The following DPYD variants were observed in gnomAD, a reference collection of about 807,000 sequenced individuals.
DPYD encodes dihydropyrimidine dehydrogenase.
A neutral mutation model predicts 116.2 loss-of-function variants in DPYD; 109 were observed. The ratio of observed to expected loss-of-function variants is 0.94; its 90% CI spans 0.80 to 1.10. The LOEUF (loss-of-function observed/expected upper bound fraction) is 1.10, where lower values mean the gene tolerates loss of function less well. DPYD is among the 50% of genes least tolerant of loss of function. The pLI is 0.00. For synonymous variants in DPYD, 440 were observed against 432.0 expected (o/e 1.02, Z -0.23); for missense variants, 1,302 against 1,254.5 (o/e 1.04, Z -0.57).
intron 13 of DPYD, among the ~76,000 whole-genome samples, chr1:97,502,999 C>T (rs566703397): frequency 2.0e-5 from 3 of 151,942 alleles, no homozygotes; most frequent in Admixed American, 2.0e-4. Flanking sequence ...ACCCTCAACA[C>T]TTTTCTCAAA....
At chr1:97,414,034 A>G (rs1288238506) in intron 14 of DPYD, among the ~76,000 whole-genome samples, 5 of 152,030 alleles carry the variant, frequency 3.3e-5, no homozygotes, top group Admixed American at 6.6e-5. Flanking sequence ...CCTTCAACCA[A>G]CTGCCCCAGT....
chr1:97,082,580 C>T lies in DPYD; in HGVS notation c.2767-110G>A, dbSNP rs1391542310. 5 of 1,233,066 alleles carry T rather than the reference C, an allele frequency of 4.1e-6. No individual in the cohort carries two copies. The East Asian group carries it at 1.2e-4, about 29-fold the overall frequency. 76.4% of individuals were successfully genotyped at this position (1,233,066 alleles called of 1,614,324 possible). A position where few individuals can be genotyped will look rare whatever the true frequency, so the allele number is the denominator to read the frequency against. ...TTTATACAATGTTGCATTATATTAA[C>T]TTGGGAGACTGGATAGTATAATTCT... is the stretch of plus-strand genomic sequence containing the variant. On this transcript the variant is annotated intron_variant, in intron 21 of 22. Transcript: ENST00000370192.
chr1:97,278,041 CT>C (rs1213317772), intron 18 of DPYD, among the ~76,000 whole-genome samples: 1 of 152,174 alleles, frequency 6.6e-6, no homozygotes, highest in African/African-American at 2.4e-5. Context: ...CCTAGTTCAC[CT>C]TATGTGACTA....
chr1:97,197,625 A>G (rs924359403), intron 19 of DPYD, among the ~76,000 whole-genome samples: 1 of 152,220 alleles, frequency 6.6e-6, no homozygotes, highest in Non-Finnish European at 1.5e-5. Flanking sequence ...CAATTTGTAT[A>G]CAGTAGACTC....
At chr1:97,498,273 A>G (rs1679382981) in intron 13 of DPYD, among the ~76,000 whole-genome samples, 1 of 151,782 alleles carries the variant, frequency 6.6e-6, no homozygotes, top group Non-Finnish European at 1.5e-5. Context: ...ATATACTAAA[A>G]ACCATGAAAA....
At chr1:97,541,438 A>T (rs774796657) in intron 12 of DPYD, among the ~76,000 whole-genome samples, 3 of 152,210 alleles carry the variant, frequency 2.0e-5, no homozygotes, top group Non-Finnish European at 4.4e-5. Context: ...ATTGCATTGT[A>T]TGATTCTCGA....
At chr1:97,912,785 A>G (rs1259739413) in intron 1 of DPYD, among the ~76,000 whole-genome samples, 1 of 152,124 alleles carries the variant, frequency 6.6e-6, no homozygotes, top group Non-Finnish European at 1.5e-5. Flanking sequence ...TGTAAGGGGA[A>G]CTGAATGCCT....
intron 1 of DPYD, among the ~76,000 whole-genome samples, chr1:97,913,496 G>A (rs1674066033): frequency 6.6e-6 from 1 of 151,990 alleles, no homozygotes; most frequent in African/African-American, 2.4e-5. Flanking sequence ...AGAGAGCAAG[G>A]GATCTATGGC....
intron 12 of DPYD, among the ~76,000 whole-genome samples, chr1:97,523,031 A>T (rs906399628): frequency 6.6e-6 from 1 of 152,162 alleles, no homozygotes; most frequent in Non-Finnish European, 1.5e-5. Context: ...AATTTTTGCC[A>T]TTTCCCTCCC....
At position 97,756,881 on chromosome 1, in the gene DPYD, C is replaced by T. The variant is rs115988666; in HGVS notation, c.234-16402G>A. On this transcript the variant is annotated intron_variant, in intron 3 of 22. Coordinates refer to ENST00000370192, the MANE Select transcript of DPYD (RefSeq NM_000110.4). ...TTTTGCTTTTCCCTCAATAGAAATG[C>T]GTGCTGCTCATTCCCACTCCCTATC... 9.3e-3 allele frequency among the ~76,000 whole-genome samples: 1,415 copies of T among 152,226 alleles called. 15 individuals are homozygous for T. Among genetic ancestry groups the T allele is most frequent in the African/African-American group, 0.03 (1,251 of 41,532 alleles).
At chr1:97,774,922 T>C (rs1181179333) in intron 3 of DPYD, 2 of 299,674 alleles carry the variant, frequency 6.7e-6, no homozygotes, top group Non-Finnish European at 7.1e-6. Context: ...TCATCATCAA[T>C]GATTTGCTAG....
At chr1:97,231,775 T>C (rs1051133223) in intron 19 of DPYD, among the ~76,000 whole-genome samples, 1 of 152,178 alleles carries the variant, frequency 6.6e-6, no homozygotes, top group Admixed American at 6.5e-5. Context: ...GGAAATACTA[T>C]ATGTAGCAGC....
At chr1:97,206,638 T>TTATATATATATA (rs57893705) in intron 19 of DPYD, among the ~76,000 whole-genome samples, 2 of 48,998 alleles carry the variant, frequency 4.1e-5, no homozygotes, top group Non-Finnish European at 1.2e-4. Flanking sequence ...CAGGGAGATT[T>TTATATATATATA]TATATATATA....
intron 18 of DPYD, among the ~76,000 whole-genome samples, chr1:97,259,752 A>G (rs1471994458): frequency 3.3e-5 from 5 of 152,164 alleles, no homozygotes; most frequent in Admixed American, 2.6e-4. Context: ...AATTTTGATT[A>G]CATACAACAA....
At chr1:97,319,929 T>A (rs1376628861) in intron 16 of DPYD, among the ~76,000 whole-genome samples, 1 of 118,150 alleles carries the variant, frequency 8.5e-6, no homozygotes. Flanking sequence ...TGGTTCAATA[T>A]ACGCAAATCA....
At chr1:97,326,201 A>G (rs773075063) in intron 16 of DPYD, among the ~76,000 whole-genome samples, 1 of 151,952 alleles carries the variant, frequency 6.6e-6, no homozygotes, top group Non-Finnish European at 1.5e-5. Context: ...AAAATTTTGC[A>G]GATTTCAATT....
At chr1:97,340,055 G>A (rs1669512844) in intron 16 of DPYD, among the ~76,000 whole-genome samples, 2 of 152,102 alleles carry the variant, frequency 1.3e-5, no homozygotes, top group South Asian at 4.1e-4. Flanking sequence ...ATTGTGAATA[G>A]CAGAAGAATG....
chr1:97,717,135 G>C (rs1363099968), intron 5 of DPYD, among the ~76,000 whole-genome samples: 1 of 151,906 alleles, frequency 6.6e-6, no homozygotes, highest in Non-Finnish European at 1.5e-5. Context: ...ACACTTACAT[G>C]GAATAAGATC....
intron 12 of DPYD, among the ~76,000 whole-genome samples, chr1:97,527,051 C>T (rs1649180590): frequency 2.6e-5 from 4 of 151,694 alleles, no homozygotes; most frequent in South Asian, 4.2e-4. Context: ...ACACAAACTA[C>T]ATTATATCAA....
Sources: gnomAD v4.1 joint callset for allele counts (sites outside exome capture counted in the v4.1 genomes callset) on GRCh38, gnomAD v4.1.1 for gene constraint, MANE v1.5 for transcripts, NCBI Gene and HGNC (gene_info 2026-07-23, HGNC 2026-07-21) for gene names.